TRABD2B: variants seen among roughly 807,000 people sequenced by gnomAD.
TRABD2B encodes the protein metalloprotease TIKI2.
Under a neutral mutation model 40.1 loss-of-function variants are expected in TRABD2B, and 14 were observed. That is an observed-to-expected ratio of 0.35 (90% CI 0.23 to 0.55). The LOEUF is 0.55. TRABD2B is among the 20% of genes least tolerant of loss of function. The probability of loss-of-function intolerance (pLI) is 0.90; values close to 1 mark genes in which losing one functional copy is unlikely to be tolerated. For missense variants in TRABD2B, 541 were observed against 648.6 expected, an observed-to-expected ratio of 0.83 and a Z score of 1.80; for synonymous variants, 263 against 277.0, an observed-to-expected ratio of 0.95 and a Z score of 0.50.
In TRABD2B at chr1:47,996,950, G is replaced by C. The variant is rs1245562649; in HGVS notation, c.-161C>G. 7 of 1,115,832 alleles carry C rather than the reference G, an allele frequency of 6.3e-6. No homozygotes were observed. The highest frequency in any genetic ancestry group is 7.7e-6 in the Non-Finnish European group (7 of 914,888). 69.1% of individuals were successfully genotyped at this position (1,115,832 alleles called of 1,614,324 possible). On this transcript the variant is annotated 5_prime_UTR_variant, in exon 1 of 7. Transcript: ENST00000606738. The surrounding 1 kb of genome is among the most constrained non-coding windows in gnomAD (Gnocchi z 4.6). The stretch of plus-strand genomic sequence containing the variant: ...GTGGCTGACTGTCCCTGTCGGACCT[G>C]GGGGTTTCTCTGGGGCCGGGCTCCG...
intron 2 of TRABD2B, among the ~76,000 whole-genome samples, chr1:47,921,312 C>T (rs1644898881): frequency 6.6e-6 from 1 of 152,142 alleles, no homozygotes. Context: ...CACAAATATG[C>T]AAGTTGCCTC....
At position 47,812,599 on chromosome 1, in the gene TRABD2B, G is replaced by C. The variant is rs1644980185; in HGVS notation, c.667-10980C>G. ...CCAGATATGCTGTCACGTGCCTGTA[G>C]TCCCAGCTACGCAGCAGGCTAAGGT... is the stretch of plus-strand genomic sequence containing the variant. On this transcript the variant is annotated intron_variant, in intron 2 of 6. Transcript: ENST00000606738. Among the ~76,000 whole-genome samples, 9 of 152,180 alleles carry C rather than the reference G, an allele frequency of 5.9e-5. No homozygotes were observed. The South Asian group carries it at 1.9e-3, about 32-fold the overall frequency.
At chr1:47,783,393 T>C (rs1644552707) in intron 4 of TRABD2B, among the ~76,000 whole-genome samples, 1 of 151,858 alleles carries the variant, frequency 6.6e-6, no homozygotes, top group African/African-American at 2.4e-5. Flanking sequence ...AAAAGCGTGG[T>C]GGAGACCAAT....
intron 2 of TRABD2B, among the ~76,000 whole-genome samples, chr1:47,859,036 A>G (rs1643928318): frequency 6.6e-6 from 1 of 152,170 alleles, no homozygotes; most frequent in Non-Finnish European, 1.5e-5. Context: ...GAGCCTGCTT[A>G]GGGGTGGTCT....
At chr1:47,940,792 A>G (rs1201383167) in intron 2 of TRABD2B, among the ~76,000 whole-genome samples, 1 of 152,250 alleles carries the variant, frequency 6.6e-6, no homozygotes, top group Non-Finnish European at 1.5e-5. Context: ...AGCTTCAGCC[A>G]GAGAGAAATA....
At chr1:47,900,900 A>G (rs1042600238) in intron 2 of TRABD2B, among the ~76,000 whole-genome samples, 1 of 152,194 alleles carries the variant, frequency 6.6e-6, no homozygotes, top group African/African-American at 2.4e-5. Flanking sequence ...TAAGAGACAA[A>G]GAAAGCAGAA....
intron 2 of TRABD2B, among the ~76,000 whole-genome samples, chr1:47,866,155 A>G (rs1644054278): frequency 6.6e-6 from 1 of 151,790 alleles, no homozygotes; most frequent in Non-Finnish European, 1.5e-5. Flanking sequence ...GGCAACCCCC[A>G]GTCTGGAAGG....
At chr1:47,872,397 A>G (rs1293473675) in intron 2 of TRABD2B, among the ~76,000 whole-genome samples, 1 of 152,180 alleles carries the variant, frequency 6.6e-6, no homozygotes, top group Non-Finnish European at 1.5e-5. Context: ...GGGAGACTGA[A>G]AAGAATTAAT....
chr1:47,925,111 A>G (rs1246692715), intron 2 of TRABD2B, among the ~76,000 whole-genome samples: 3 of 152,138 alleles, frequency 2.0e-5, no homozygotes, highest in Non-Finnish European at 4.4e-5. Flanking sequence ...CACCTTCTCT[A>G]CCTCCTAAGG....
rs1201388538 is a variant in TRABD2B at position 47,794,770 on chromosome 1, C to T, written c.814-10G>A. ...TGATAAAGTTGGGCAGCTGCAAAGG[C>T]AAGACAGAGGCTGCCTTCAGTTTTT... On this transcript the variant is annotated splice_polypyrimidine_tract_variant and intron_variant, in intron 3 of 6. Coordinates refer to ENST00000606738, the MANE Select transcript of TRABD2B (RefSeq NM_001194986.2). 6.9e-7 allele frequency: 1 copy of T among 1,444,414 alleles called. No homozygotes were observed. The highest frequency in any genetic ancestry group is 9.2e-7 in the Non-Finnish European group (1 of 1,091,994). The allele number at this position is 1,444,414 out of a possible 1,614,324, so 89.5% of individuals were successfully genotyped here.
intron 2 of TRABD2B, among the ~76,000 whole-genome samples, chr1:47,815,271 G>A (rs902507810): frequency 3.9e-5 from 6 of 152,242 alleles, no homozygotes; most frequent in Non-Finnish European, 8.8e-5. Context: ...TTACACTGCA[G>A]ATGGGAAATA....
At chr1:47,823,863 G>A (rs538633429) in intron 2 of TRABD2B, among the ~76,000 whole-genome samples, 7 of 152,288 alleles carry the variant, frequency 4.6e-5, no homozygotes, top group Admixed American at 3.9e-4. Flanking sequence ...CATGAAAGGG[G>A]TGAGATTTGA....
In TRABD2B at chr1:47,994,017, G is replaced by A. The variant is rs1646051434; in HGVS notation, c.666+17C>T. On this transcript the variant is annotated intron_variant, in intron 2 of 6. Coordinates refer to ENST00000606738, the MANE Select transcript of TRABD2B (RefSeq NM_001194986.2). This position sits in a 1 kb window ranked among gnomAD's most constrained non-coding sequence, Gnocchi z 6.7. ...ACCCAGGGCTGTCAGCTCCGGGCTGGGGCACTGCATGCCTACCTGGGAGAA... is the reference window on the plus strand; with the variant it reads ...ACCCAGGGCTGTCAGCTCCGGGCTGAGGCACTGCATGCCTACCTGGGAGAA... 6.5e-7 allele frequency: 1 copy of A among 1,528,278 alleles called. No homozygotes were observed. The highest frequency in any genetic ancestry group is 8.8e-7 in the Non-Finnish European group (1 of 1,141,378). The allele number at this position is 1,528,278 out of a possible 1,614,324, so 94.7% of individuals were successfully genotyped here. A position where few individuals can be genotyped will look rare whatever the true frequency, so the allele number is the denominator to read the frequency against.
At chr1:47,795,105 G>A (rs1644731189) in intron 3 of TRABD2B, among the ~76,000 whole-genome samples, 1 of 152,188 alleles carries the variant, frequency 6.6e-6, no homozygotes, top group Non-Finnish European at 1.5e-5. Context: ...GGTGGACTTA[G>A]GATAAGTATG....
chr1:47,925,042 T>C (rs550452740), intron 2 of TRABD2B, among the ~76,000 whole-genome samples: 1 of 152,312 alleles, frequency 6.6e-6, no homozygotes, highest in Non-Finnish European at 1.5e-5. Context: ...TAACTGAATC[T>C]TTCTCTTAAT....
chr1:47,961,621 A>G (rs1295044260), intron 2 of TRABD2B, among the ~76,000 whole-genome samples: 1 of 152,256 alleles, frequency 6.6e-6, no homozygotes, highest in Non-Finnish European at 1.5e-5. Flanking sequence ...AATGCTCATC[A>G]TCACTGGCCA....
intron 2 of TRABD2B, among the ~76,000 whole-genome samples, chr1:47,982,342 G>A (rs1162936206): frequency 6.6e-6 from 1 of 152,168 alleles, no homozygotes; most frequent in East Asian, 1.9e-4. Flanking sequence ...CTCTTACTGT[G>A]TGCCAGCCAC....
intron 4 of TRABD2B, among the ~76,000 whole-genome samples, chr1:47,783,435 G>A (rs567261551): frequency 2.9e-4 from 44 of 152,346 alleles, no homozygotes; most frequent in African/African-American, 5.3e-4. Context: ...GCTTCCGAGA[G>A]GAGGGGCTCA....
At chr1:47,834,348 A>G (rs1018636875) in intron 2 of TRABD2B, among the ~76,000 whole-genome samples, 2 of 152,226 alleles carry the variant, frequency 1.3e-5, no homozygotes, top group Non-Finnish European at 2.9e-5. Flanking sequence ...TAAGATGTCC[A>G]CATGGGCTCT....
Sources: gnomAD v4.1 joint callset for allele counts (sites outside exome capture counted in the v4.1 genomes callset) on GRCh38, gnomAD v4.1.1 for gene constraint, Gnocchi (gnomAD v3.1) non-coding constraint, MANE v1.5 for transcripts, NCBI Gene and HGNC (gene_info 2026-07-23, HGNC 2026-07-21) for gene names.